Variants in QTMAN observed in about 807,000 individuals in gnomAD.
QTMAN encodes tRNA-queuosine alpha-mannosyltransferase.
the QTMAN span, among the ~76,000 whole-genome samples, chr2:144,104,574 T>A: frequency 6.6e-6 from 1 of 152,120 alleles, no homozygotes; most frequent in Non-Finnish European, 1.5e-5. Context: ...GCGCCCACAA[T>A]TGCTGAGGCT....
the QTMAN span, among the ~76,000 whole-genome samples, chr2:144,040,697 T>C: frequency 2.6e-5 from 4 of 151,958 alleles, no homozygotes; most frequent in Non-Finnish European, 5.9e-5. Context: ...GGAGCTTAAG[T>C]AGGTGAAAGT....
the QTMAN span, among the ~76,000 whole-genome samples, chr2:144,253,235 A>G: frequency 1.3e-5 from 2 of 152,212 alleles, no homozygotes; most frequent in African/African-American, 4.8e-5. Flanking sequence ...CCAGCCATGC[A>G]GAACAGTGAG....
At chr2:144,085,760 G>A in the QTMAN span, among the ~76,000 whole-genome samples, 1 of 152,136 alleles carries the variant, frequency 6.6e-6, no homozygotes, top group Non-Finnish European at 1.5e-5. Context: ...AGTACTTAAA[G>A]ACACACTTAT....
At chr2:144,079,927 C>T in the QTMAN span, among the ~76,000 whole-genome samples, 1 of 151,932 alleles carries the variant, frequency 6.6e-6, no homozygotes, top group Non-Finnish European at 1.5e-5. Context: ...AAAAGAATTC[C>T]ACTTTTACTC....
chr2:144,078,730 T>C, the QTMAN span, among the ~76,000 whole-genome samples: 2 of 152,136 alleles, frequency 1.3e-5, no homozygotes, highest in East Asian at 3.9e-4. Flanking sequence ...TCCTTAGGCC[T>C]TCCAATGAAT....
At chr2:144,058,250 G>C in the QTMAN span, among the ~76,000 whole-genome samples, 8 of 150,562 alleles carry the variant, frequency 5.3e-5, no homozygotes, top group Non-Finnish European at 7.4e-5. Context: ...CTTGAACTCT[G>C]ATGTTCCACA....
chr2:144,197,885 C>T, the QTMAN span, among the ~76,000 whole-genome samples: 1 of 152,146 alleles, frequency 6.6e-6, no homozygotes. Context: ...TCTATTATAG[C>T]ACTCGTTGGT....
At chr2:144,019,838 A>G in the QTMAN span, among the ~76,000 whole-genome samples, 3 of 152,208 alleles carry the variant, frequency 2.0e-5, no homozygotes, top group African/African-American at 7.2e-5. Flanking sequence ...TTCACCTTCT[A>G]GGAAATTATA....
chr2:144,314,810 A>G, the QTMAN span, among the ~76,000 whole-genome samples: 3 of 152,242 alleles, frequency 2.0e-5, no homozygotes, highest in Non-Finnish European at 4.4e-5. Context: ...GGGTGTACAC[A>G]CATGTCAAAA....
At chr2:144,149,127 C>T in the QTMAN span, among the ~76,000 whole-genome samples, 1 of 151,900 alleles carries the variant, frequency 6.6e-6, no homozygotes, top group East Asian at 1.9e-4. Context: ...AATGACATCA[C>T]TTGATCAGCA....
chr2:144,101,394 T>TCTCTCTCACACACACACACA, the QTMAN span, among the ~76,000 whole-genome samples: 14 of 150,234 alleles, frequency 9.3e-5, no homozygotes, highest in African/African-American at 3.2e-4. Context: ...TATCTCTCTC[T>TCTCTCTCACACACACACACA]CACACACACA....
At chr2:144,197,171 T>C in the QTMAN span, among the ~76,000 whole-genome samples, 3 of 152,288 alleles carry the variant, frequency 2.0e-5, no homozygotes, top group Admixed American at 2.0e-4. Context: ...CAATGGTATT[T>C]GTGTATCTAA....
the QTMAN span, chr2:143,939,364 T>G: frequency 1.4e-4 from 21 of 152,180 alleles, no homozygotes; most frequent in African/African-American, 4.6e-4. Flanking sequence ...AGAGTTATGA[T>G]TTATTTTTTT....
the QTMAN span, among the ~76,000 whole-genome samples, chr2:144,186,218 T>C: frequency 6.6e-6 from 1 of 152,180 alleles, no homozygotes; most frequent in Non-Finnish European, 1.5e-5. Context: ...AATCCATCTA[T>C]AGGAAGTCTG....
chr2:144,083,835 G>A, the QTMAN span, among the ~76,000 whole-genome samples: 2 of 152,128 alleles, frequency 1.3e-5, no homozygotes, highest in South Asian at 2.1e-4. Context: ...GGCAAAATGA[G>A]TGAAAAGACT....
chr2:144,102,938 A>G, the QTMAN span, among the ~76,000 whole-genome samples: 39 of 152,340 alleles, frequency 2.6e-4, no homozygotes, highest in African/African-American at 9.1e-4. Flanking sequence ...CAGCTTCATT[A>G]TCTCTCCATA....
chr2:143,952,092 C>T, the QTMAN span: 5 of 1,467,984 alleles, frequency 3.4e-6, no homozygotes, highest in East Asian at 2.3e-5. Flanking sequence ...AAAACAGATA[C>T]ATTTTTAATG....
At chr2:144,300,606 T>C in the QTMAN span, among the ~76,000 whole-genome samples, 1 of 152,132 alleles carries the variant, frequency 6.6e-6, no homozygotes, top group Non-Finnish European at 1.5e-5. Context: ...ATGTCTAAAC[T>C]AAAAACAGTG....
chr2:144,099,577 T>C, the QTMAN span, among the ~76,000 whole-genome samples: 1 of 152,220 alleles, frequency 6.6e-6, no homozygotes, highest in Non-Finnish European at 1.5e-5. Flanking sequence ...CTTGGCAGAC[T>C]GCATTTCAAG....
Sources: allele counts gnomAD v4.1 joint callset (sites outside exome capture counted in the v4.1 genomes callset), GRCh38; gene constraint gnomAD v4.1.1; transcripts MANE v1.5; gene names NCBI Gene and HGNC (gene_info 2026-07-23, HGNC 2026-07-21).